The following ARHGEF12 variants were observed in gnomAD, a reference collection of about 807,000 sequenced individuals.
ARHGEF12 encodes Rho guanine nucleotide exchange factor 12, also known as KMT2A/ARHGEF12 fusion protein.
ARHGEF12 carries 66 observed loss-of-function variants against 211.2 expected under a neutral mutation model. The observed-to-expected ratio is 0.31, with a 90% CI of 0.26 to 0.38. The LOEUF is 0.38. Ranked by LOEUF, ARHGEF12 falls within the 10% of genes least tolerant of loss-of-function variation. ARHGEF12 has a pLI of 1.00. For synonymous variants in ARHGEF12, 592 were observed against 638.4 expected (o/e 0.93, Z 1.09); for missense variants, 1,429 against 1,869.5 (o/e 0.76, Z 4.34).
rs200737612 is a variant in ARHGEF12 at position 120,451,574 on chromosome 11, G to A, written c.1906G>A (p.Val636Met). ...TAAGCACTTATCCACACCCTCATCT[G>A]TGAGTCCTGAACCTCAGGACTCTGC... ...HPKHLSTPSS[V>M]SPEPQDSAKL... is the part of the protein sequence containing the mutation. Residue 636 changes from valine to methionine, a missense_variant, in exon 22 of 41, where the codon GTG (valine) becomes ATG (methionine). Around this residue, in one of 7 missense-constraint regions of ARHGEF12, gnomAD observed 373 missense variants for 467.5 expected, o/e 0.80. Coordinates refer to ENST00000397843, the MANE Select transcript of ARHGEF12 (RefSeq NM_015313.3). The A allele has an allele frequency of 3.7e-6, 6 of 1,614,184 alleles. No homozygotes were observed. In the African/African-American group the frequency reaches 8.0e-5, roughly 22 times the overall value.
At chr11:120,441,905 A>G in intron 14 of ARHGEF12, 88 bp downstream of exon 14, 1 of 1,198,672 alleles carries the variant, frequency 8.3e-7, no homozygotes, top group South Asian at 1.3e-5. Flanking sequence ...ACGAGTGGGC[A>G]GACTTCTTTC....
At chr11:120,456,123 G>A (rs543902463) in intron 22 of ARHGEF12, among the ~76,000 whole-genome samples, 2 of 152,226 alleles carry the variant, frequency 1.3e-5, no homozygotes, top group Admixed American at 1.3e-4. Context: ...ATTCTTTCTT[G>A]GTTTTCAGAC....
At chr11:120,374,831 T>C (rs575410070) in intron 1 of ARHGEF12, among the ~76,000 whole-genome samples, 1 of 152,328 alleles carries the variant, frequency 6.6e-6, no homozygotes, top group East Asian at 1.9e-4. Flanking sequence ...GTCATACATA[T>C]TAATGATTCA....
At chr11:120,449,257 C>G (rs1254824468) in intron 21 of ARHGEF12, 43 bp downstream of exon 21, 2 of 1,482,134 alleles carry the variant, frequency 1.3e-6, no homozygotes, top group African/African-American at 2.8e-5. Flanking sequence ...TACTCCAGGC[C>G]CTCTTCACAT....
rs537355883 is a variant in ARHGEF12, at chr11:120,486,488, A to G, written c.*1411A>G. ...CGTTAGCAGCACCCTACAGAGGGTA[A>G]GTTTCAGAATTGTAATTTGAGAACT... On this transcript the variant is annotated 3_prime_UTR_variant, in exon 41 of 41. Coordinates refer to ENST00000397843, the MANE Select transcript of ARHGEF12 (RefSeq NM_015313.3). 1 of 230,658 alleles carries G rather than the reference A, an allele frequency of 4.3e-6. No individual in the cohort carries two copies. Among genetic ancestry groups the G allele is most frequent in the South Asian group, 1.8e-4 (1 of 5,508 alleles). The allele number at this position is 230,658 out of a possible 1,614,324, so 14.3% of individuals were successfully genotyped here.
chr11:120,417,238 C>T (rs2135642797), intron 4 of ARHGEF12, among the ~76,000 whole-genome samples: 1 of 152,204 alleles, frequency 6.6e-6, no homozygotes, highest in South Asian at 2.1e-4. Context: ...ATTTAAGAAG[C>T]CCAGGTTGCT....
At position 120,446,984 on chromosome 11, in the gene ARHGEF12, C is replaced by A; in HGVS notation, c.1488C>A (p.Ser496Arg). ...GTATGGGACTGACCTTGGCTGAAAG[C>A]GAGCTGACTAAACTTGATGCAGAGC... ...KRSMGLTLAE[S>R]ELTKLDAERD... The change falls in exon 18 of 41, where the codon AGC (serine) becomes AGA (arginine). Residue 496 changes from serine (S) to arginine (R), a missense_variant. Physicochemically the swap from Ser to Arg is moderately radical, Grantham distance 110. Around this residue, in one of 7 missense-constraint regions of ARHGEF12, gnomAD observed 373 missense variants for 467.5 expected, o/e 0.80. Transcript: ENST00000397843. 6.2e-7 allele frequency: 1 copy of A among 1,614,144 alleles called. No individual in the cohort carries two copies. Among genetic ancestry groups the A allele is most frequent in the African/African-American group, 1.3e-5 (1 of 75,048 alleles).
At chr11:120,460,439 G>A (rs931010770) in intron 26 of ARHGEF12, among the ~76,000 whole-genome samples, 1 of 152,206 alleles carries the variant, frequency 6.6e-6, no homozygotes, top group African/African-American at 2.4e-5. Flanking sequence ...CACCGTGTAT[G>A]TAATGTGCTA....
intron 1 of ARHGEF12, among the ~76,000 whole-genome samples, chr11:120,352,916 G>A (rs1943027707): frequency 6.6e-6 from 1 of 152,154 alleles, no homozygotes; most frequent in African/African-American, 2.4e-5. Flanking sequence ...AGCACCCCAG[G>A]CGCCCTGTAC....
At chr11:120,353,197 C>T (rs1397531002) in intron 1 of ARHGEF12, among the ~76,000 whole-genome samples, 1 of 152,214 alleles carries the variant, frequency 6.6e-6, no homozygotes, top group Non-Finnish European at 1.5e-5. Context: ...CACATCTCAG[C>T]ATACAGGGTC....
chr11:120,453,684 A>G (rs1946277699), intron 22 of ARHGEF12, among the ~76,000 whole-genome samples: 1 of 152,206 alleles, frequency 6.6e-6, no homozygotes, highest in Non-Finnish European at 1.5e-5. Flanking sequence ...GCCACCGTTA[A>G]TGCAGCCTGG....
intron 1 of ARHGEF12, among the ~76,000 whole-genome samples, chr11:120,392,423 T>C (rs576551581): frequency 6.6e-6 from 1 of 152,348 alleles, no homozygotes; most frequent in African/African-American, 2.4e-5. Context: ...CTGTGGAATG[T>C]AAGCTGCTTG....
At chr11:120,341,428 G>A (rs1343462504) in intron 1 of ARHGEF12, among the ~76,000 whole-genome samples, 1 of 151,966 alleles carries the variant, frequency 6.6e-6, no homozygotes, top group African/African-American at 2.4e-5. Context: ...TGAAATTTGA[G>A]GCAAACATTC....
rs182880642 is a variant in ARHGEF12 at position 120,487,736 on chromosome 11, T to C, written c.*2659T>C. 33 of 221,848 alleles carry C rather than the reference T, an allele frequency of 1.5e-4. No individual in the cohort carries two copies. The highest frequency in any genetic ancestry group is 7.4e-4 in the African/African-American group (33 of 44,748). 13.7% of individuals were successfully genotyped at this position (221,848 alleles called of 1,614,324 possible). A position where few individuals can be genotyped will look rare whatever the true frequency, so the allele number is the denominator to read the frequency against. On this transcript the variant is annotated 3_prime_UTR_variant, in exon 41 of 41. Transcript: ENST00000397843. ...ATGGAAGTGACCTGCTGTGACACTG[T>C]GCTCTCTTCTGTGGGCTTAATGGTT... is the stretch of plus-strand genomic sequence containing the variant.
At chr11:120,397,178 GTC>G (rs1944417322) in intron 1 of ARHGEF12, among the ~76,000 whole-genome samples, 2 of 152,286 alleles carry the variant, frequency 1.3e-5, no homozygotes, top group South Asian at 4.1e-4. Flanking sequence ...TAGGGAGAGA[GTC>G]TCTCTCACCG....
chr11:120,458,937 A>T (rs1192792882), intron 25 of ARHGEF12: 1 of 269,506 alleles, frequency 3.7e-6, no homozygotes, highest in Non-Finnish European at 6.8e-6. Context: ...GTGTTTGGGA[A>T]TACACTAAAA....
intron 28 of ARHGEF12, among the ~76,000 whole-genome samples, chr11:120,466,009 T>C (rs1212168241): frequency 6.6e-6 from 1 of 152,210 alleles, no homozygotes; most frequent in African/African-American, 2.4e-5. Context: ...TTGGGGTATA[T>C]GAATTAAGGG....
intron 31 of ARHGEF12, among the ~76,000 whole-genome samples, chr11:120,473,896 T>A (rs1252381309): frequency 2.0e-5 from 3 of 152,230 alleles, no homozygotes; most frequent in Non-Finnish European, 4.4e-5. Context: ...ATTTTAAGTG[T>A]TTTTGTACCA....
chr11:120,376,898 CT>C (rs1172312835), intron 1 of ARHGEF12, among the ~76,000 whole-genome samples: 3 of 152,136 alleles, frequency 2.0e-5, no homozygotes, highest in Middle Eastern at 3.2e-3. Flanking sequence ...TGAAGTTTGT[CT>C]TTCGGTGTCT....
Sources: allele counts gnomAD v4.1 joint callset (sites outside exome capture counted in the v4.1 genomes callset), GRCh38; gene constraint gnomAD v4.1.1; regional missense constraint gnomAD v4.1.1; transcripts MANE v1.5; gene names NCBI Gene and HGNC (gene_info 2026-07-23, HGNC 2026-07-21).